The following ANK3 variants were observed in gnomAD, a reference collection of about 807,000 sequenced individuals.
The protein encoded by ANK3 is ankyrin 3, also known as ankyrin-3.
In ANK3, 57 loss-of-function variants were observed where a neutral mutation model predicts 370.9. The ratio of observed to expected loss-of-function variants is 0.15; its 90% CI spans 0.12 to 0.19. The LOEUF (loss-of-function observed/expected upper bound fraction) is 0.19, where lower values mean the gene tolerates loss of function less well. ANK3 is among the 10% of genes least tolerant of loss of function. The pLI, the probability that ANK3 is intolerant of heterozygous loss-of-function variation, is 1.00. For missense variants in ANK3, 4,439 were observed against 5,302.1 expected, an observed-to-expected ratio of 0.84 and a Z score of 5.06; for synonymous variants, 1,929 against 1,946.3, an observed-to-expected ratio of 0.99 and a Z score of 0.23.
chr10:60,393,892 G>A (rs1249303440), upstream of ANK3, among the ~76,000 whole-genome samples: 3 of 151,850 alleles, frequency 2.0e-5, no homozygotes, highest in Non-Finnish European at 4.4e-5. Context: ...AGGAGAAGAT[G>A]GGGAGTATAT....
At chr10:60,527,724 C>T (rs958097799) in intron 2 of ANK3, among the ~76,000 whole-genome samples, 1 of 152,160 alleles carries the variant, frequency 6.6e-6, no homozygotes, top group Non-Finnish European at 1.5e-5. Flanking sequence ...TTACCATCTC[C>T]TTCAGTGGTT....
chr10:60,588,179 T>C (rs1401474403), intron 2 of ANK3, among the ~76,000 whole-genome samples: 2 of 147,968 alleles, frequency 1.4e-5, no homozygotes, highest in Non-Finnish European at 3.0e-5. Flanking sequence ...ATTATTATTA[T>C]TATTATTATT....
At chr10:60,523,384 T>TC (rs1362409041) in intron 2 of ANK3, among the ~76,000 whole-genome samples, 3 of 95,508 alleles carry the variant, frequency 3.1e-5, no homozygotes, top group Non-Finnish European at 6.2e-5. Flanking sequence ...ATGCTATCCC[T>TC]CCCCCCTCCC....
At chr10:60,659,425 T>C (rs1409519015) in intron 1 of ANK3, among the ~76,000 whole-genome samples, 1 of 152,146 alleles carries the variant, frequency 6.6e-6, no homozygotes, top group African/African-American at 2.4e-5. Context: ...TATCTGTAAA[T>C]AATTGTAGTT....
intron 1 of ANK3, among the ~76,000 whole-genome samples, chr10:60,712,876 A>C (rs1043424883): frequency 4.6e-5 from 7 of 152,254 alleles, no homozygotes; most frequent in African/African-American, 1.7e-4. Flanking sequence ...GGAGCATTAT[A>C]TAATGATAAA....
intron 1 of ANK3, among the ~76,000 whole-genome samples, chr10:60,621,022 C>T (rs993790318): frequency 3.3e-5 from 5 of 152,168 alleles, no homozygotes; most frequent in African/African-American, 1.2e-4. Context: ...GCAAAGACAG[C>T]ATTCAAACCC....
At chr10:60,226,570 A>ATGTTATATATTATAC (rs2097163859) in intron 8 of ANK3, among the ~76,000 whole-genome samples, 1 of 20,930 alleles carries the variant, frequency 4.8e-5, no homozygotes, top group Non-Finnish European at 9.0e-5. Context: ...TATACATAGT[A>ATGTTATATATTATAC]TATGTATATA....
intron 28 of ANK3, among the ~76,000 whole-genome samples, chr10:60,090,886 C>T (rs186485121): frequency 2.4e-4 from 37 of 152,190 alleles, no homozygotes; most frequent in African/African-American, 8.7e-4. Flanking sequence ...ATGCACCTAC[C>T]CTGGACGCAG....
chr10:60,209,131 A>G (rs2096809960), intron 9 of ANK3, among the ~76,000 whole-genome samples: 2 of 152,218 alleles, frequency 1.3e-5, no homozygotes, highest in South Asian at 4.1e-4. Flanking sequence ...TTTAACTATG[A>G]TGGCGAAGTG....
chr10:60,692,464 T>A (rs946813759), intron 1 of ANK3, among the ~76,000 whole-genome samples: 2 of 152,214 alleles, frequency 1.3e-5, no homozygotes, highest in African/African-American at 4.8e-5. Context: ...GGTTCTCAAT[T>A]TCCATTTCTA....
chr10:60,569,066 A>G (rs987829947), intron 2 of ANK3, among the ~76,000 whole-genome samples: 1 of 152,148 alleles, frequency 6.6e-6, no homozygotes, highest in Non-Finnish European at 1.5e-5. Flanking sequence ...TTTTAATGTC[A>G]GTCCAAGCTA....
intron 1 of ANK3, among the ~76,000 whole-genome samples, chr10:60,718,519 A>C (rs1288753839): frequency 6.6e-6 from 1 of 152,086 alleles, no homozygotes; most frequent in Non-Finnish European, 1.5e-5. Flanking sequence ...TGGGCTTCAA[A>C]CATAGAAGGA....
intron 1 of ANK3, chr10:60,300,197 T>G (rs867530310): frequency 3.0e-5 from 15 of 493,110 alleles, no homozygotes; most frequent in Middle Eastern, 3.2e-4. Flanking sequence ...TGATCCGTAG[T>G]GCAAACAGGT....
chr10:60,251,723 C>T (rs1330774381), intron 7 of ANK3, among the ~76,000 whole-genome samples: 1 of 152,200 alleles, frequency 6.6e-6, no homozygotes, highest in African/African-American at 2.4e-5. Flanking sequence ...TCAGCCACAG[C>T]TTGTAACTTC....
intron 1 of ANK3, among the ~76,000 whole-genome samples, chr10:60,646,287 C>T (rs1289770606): frequency 1.3e-5 from 2 of 152,124 alleles, no homozygotes; most frequent in Non-Finnish European, 2.9e-5. Flanking sequence ...GGACTTTATT[C>T]TTAAGAGCAA....
chr10:60,147,458 T>C (rs2094885915), intron 23 of ANK3, among the ~76,000 whole-genome samples: 1 of 152,208 alleles, frequency 6.6e-6, no homozygotes, highest in South Asian at 2.1e-4. Flanking sequence ...ATGGTTGTCG[T>C]TCTTTCAAAA....
intron 10 of ANK3, 58 bp from the exon 11 acceptor site, chr10:60,205,948 C>G: frequency 9.0e-7 from 1 of 1,109,452 alleles, no homozygotes; most frequent in African/African-American, 1.5e-5. Context: ...TCCAGTTTCA[C>G]TGTGTGCAGT....
At position 60,073,411 on chromosome 10, in the gene ANK3, G is replaced by A; in HGVS notation, c.7470C>T (p.Pro2490=). ...TEESVTDHAG[P]PSSELQGSDK... ...CAGACCCCTGTAACTCTGAGCTAGG[G>A]GGTCCTGCATGGTCTGTAACCGATT... The change falls in exon 37 of 44, where the codon CCC becomes CCT. Residue 2490 remains proline, a synonymous_variant. Transcript: ENST00000280772. 6.2e-7 allele frequency: 1 copy of A among 1,613,778 alleles called. No homozygotes were observed. Among genetic ancestry groups the A allele is most frequent in the Middle Eastern group, 1.7e-4 (1 of 6,060 alleles).
chr10:60,424,069 T>C (rs1400867109), intron 2 of ANK3, among the ~76,000 whole-genome samples: 2 of 152,078 alleles, frequency 1.3e-5, no homozygotes, highest in Non-Finnish European at 2.9e-5. Context: ...TGCTATGCTA[T>C]GATAAAATCA....
Sources: gnomAD v4.1 joint callset for allele counts (sites outside exome capture counted in the v4.1 genomes callset) on GRCh38, gnomAD v4.1.1 for gene constraint, MANE v1.5 for transcripts, NCBI Gene and HGNC (gene_info 2026-07-23, HGNC 2026-07-21) for gene names.